NR2C2: variants seen among roughly 807,000 people sequenced by gnomAD.
NR2C2 encodes the protein Nuclear hormone receptor TR4.
A neutral mutation model predicts 62.9 loss-of-function variants in NR2C2; 6 were observed. The observed-to-expected ratio is 0.10, with a 90% CI of 0.05 to 0.19. The LOEUF (loss-of-function observed/expected upper bound fraction) is 0.19. NR2C2 is among the 10% of genes least tolerant of loss of function. NR2C2 has a pLI of 1.00. For synonymous variants in NR2C2, 272 were observed against 273.8 expected (o/e 0.99, Z 0.07); for missense variants, 479 against 762.7 (o/e 0.63, Z 4.38).
intron 1 of NR2C2, among the ~76,000 whole-genome samples, chr3:15,003,453 G>C (rs1190918269): frequency 2.0e-5 from 3 of 152,108 alleles, no homozygotes; most frequent in Admixed American, 6.5e-5. Context: ...GTAGGTTTCA[G>C]TGTAATGTTG....
At chr3:15,019,015 T>C (rs1271664716) in intron 4 of NR2C2, among the ~76,000 whole-genome samples, 1 of 108,844 alleles carries the variant, frequency 9.2e-6, no homozygotes, top group African/African-American at 5.0e-5. Context: ...GACTCTTGTC[T>C]TAAAAAAAAA....
At chr3:15,012,123 C>G (rs1043975690) in intron 2 of NR2C2, among the ~76,000 whole-genome samples, 2 of 152,040 alleles carry the variant, frequency 1.3e-5, no homozygotes, top group African/African-American at 2.4e-5. Flanking sequence ...TTGCCTATGT[C>G]ATTTTATTTT....
chr3:14,950,661 TAC>T (rs2039328191), intron 1 of NR2C2, among the ~76,000 whole-genome samples: 2 of 152,172 alleles, frequency 1.3e-5, no homozygotes, highest in Admixed American at 6.5e-5. Context: ...ACTTTATAAT[TAC>T]ACACTCTATT....
intron 2 of NR2C2, among the ~76,000 whole-genome samples, chr3:15,009,470 A>G (rs867186698): frequency 6.6e-6 from 1 of 152,224 alleles, no homozygotes; most frequent in Non-Finnish European, 1.5e-5. Flanking sequence ...ATTATACTCA[A>G]ATTATTTACT....
At chr3:14,968,295 A>T (rs957934581) in intron 1 of NR2C2, among the ~76,000 whole-genome samples, 1 of 152,224 alleles carries the variant, frequency 6.6e-6, no homozygotes, top group African/African-American at 2.4e-5. Context: ...TTTACAAGAA[A>T]AAAACAACCC....
At position 14,999,001 on chromosome 3, in the gene NR2C2, G is replaced by A. The variant is rs1039649869; in HGVS notation, c.-39-4875G>A. ...GGCCTGGGCATCCAGGAGTGAGACC[G>A]TGTCTCAAAAAACAAAAAAAAAATT... On this transcript the variant is annotated intron_variant, in intron 1 of 13. Coordinates refer to ENST00000425241, the MANE Select transcript of NR2C2 (RefSeq NM_001291694.2). Among the ~76,000 whole-genome samples the A allele has an allele frequency of 6.6e-5, 10 of 151,866 alleles. No homozygotes were observed. The South Asian group carries it at 8.3e-4, about 13-fold the overall frequency.
At chr3:15,013,827 G>C (rs1257305154) in intron 3 of NR2C2, 38 bp downstream of exon 3, 1 of 1,602,110 alleles carries the variant, frequency 6.2e-7, no homozygotes, top group Admixed American at 1.7e-5. Flanking sequence ...CAGCACTTCT[G>C]CTATTGAACT....
At chr3:15,010,490 G>C (rs779727199) in intron 2 of NR2C2, among the ~76,000 whole-genome samples, 6 of 152,082 alleles carry the variant, frequency 3.9e-5, no homozygotes, top group Admixed American at 6.6e-5. Flanking sequence ...AAGGCACGAG[G>C]ATCACTTGAG....
intron 2 of NR2C2, among the ~76,000 whole-genome samples, chr3:15,006,043 A>C (rs554440029): frequency 2.0e-5 from 3 of 152,060 alleles, no homozygotes; most frequent in South Asian, 2.1e-4. Flanking sequence ...GTATCTCTAC[A>C]AAAAAACTAA....
chr3:15,023,391 G>A, intron 6 of NR2C2, 44 bp downstream of exon 6: 1 of 1,608,378 alleles, frequency 6.2e-7, no homozygotes. Context: ...GCAGCTGATG[G>A]AGGAGGCACA....
In NR2C2 at chr3:14,987,116, TCTGCCACCCAGGCTGGAGTC is replaced by T. The variant is rs560792957; in HGVS notation, c.-39-16758_-39-16739del. ...TATTTTATTTGAGGCAGATTCTCAC[TCTGCCACCCAGGCTGGAGTC>T]CAGTGGCAGGAACACAGCTCACTGC... is the stretch of plus-strand genomic sequence containing the variant. On this transcript the variant is annotated intron_variant, in intron 1 of 13. Coordinates refer to ENST00000425241, the MANE Select transcript of NR2C2 (RefSeq NM_001291694.2). 2.6e-5 allele frequency among the ~76,000 whole-genome samples: 4 copies of T among 152,332 alleles called. No homozygotes were observed. The South Asian group carries it at 8.3e-4, about 32-fold the overall frequency.
chr3:15,014,367 G>A (rs1468473791), intron 3 of NR2C2, among the ~76,000 whole-genome samples: 1 of 152,138 alleles, frequency 6.6e-6, no homozygotes, highest in African/African-American at 2.4e-5. Flanking sequence ...GCATGAGTCT[G>A]GGAAGTATAG....
At chr3:15,027,243 C>T (rs1198697959) in intron 7 of NR2C2, among the ~76,000 whole-genome samples, 1 of 152,234 alleles carries the variant, frequency 6.6e-6, no homozygotes, top group Non-Finnish European at 1.5e-5. Context: ...AGGTGATCTG[C>T]CTGCCTCGGC....
At chr3:15,008,549 G>T (rs1192645363) in intron 2 of NR2C2, among the ~76,000 whole-genome samples, 1 of 151,934 alleles carries the variant, frequency 6.6e-6, no homozygotes, top group Non-Finnish European at 1.5e-5. Flanking sequence ...AAAACTTTGG[G>T]TACTCAAACA....
chr3:15,018,378 G>C (rs2041571195), intron 4 of NR2C2, among the ~76,000 whole-genome samples: 1 of 152,160 alleles, frequency 6.6e-6, no homozygotes, highest in South Asian at 2.1e-4. Flanking sequence ...TTACTACCCA[G>C]AACATATAGC....
chr3:15,042,018 A>T (rs1332107489), intron 13 of NR2C2, among the ~76,000 whole-genome samples: 1 of 151,926 alleles, frequency 6.6e-6, no homozygotes, highest in East Asian at 1.9e-4. Context: ...ACTCTTCTTC[A>T]TTTTCTATGG....
intron 1 of NR2C2, among the ~76,000 whole-genome samples, chr3:14,954,941 G>A (rs1008845146): frequency 1.3e-5 from 2 of 152,022 alleles, no homozygotes; most frequent in African/African-American, 4.8e-5. Context: ...AAGGATTCTC[G>A]TGCCACAGCC....
At chr3:14,958,937 C>G (rs2039608013) in intron 1 of NR2C2, among the ~76,000 whole-genome samples, 1 of 152,234 alleles carries the variant, frequency 6.6e-6, no homozygotes, top group African/African-American at 2.4e-5. Context: ...GATCGTGCCA[C>G]TGCACTCCAG....
intron 1 of NR2C2, among the ~76,000 whole-genome samples, chr3:14,960,661 A>G (rs746234978): frequency 1.3e-5 from 2 of 152,350 alleles, no homozygotes; most frequent in East Asian, 1.9e-4. Context: ...ACATTGAACT[A>G]TAGTTAATAA....
Sources: allele counts gnomAD v4.1 joint callset (sites outside exome capture counted in the v4.1 genomes callset), GRCh38; gene constraint gnomAD v4.1.1; transcripts MANE v1.5; gene names NCBI Gene and HGNC (gene_info 2026-07-23, HGNC 2026-07-21).